The following MUSK variants were observed in gnomAD, a reference collection of about 807,000 sequenced individuals.
MUSK encodes muscle, skeletal receptor tyrosine-protein kinase.
A neutral mutation model predicts 88.7 loss-of-function variants in MUSK; 55 were observed. The ratio of observed to expected loss-of-function variants is 0.62; its 90% CI spans 0.50 to 0.78. The LOEUF (loss-of-function observed/expected upper bound fraction) is 0.78. MUSK is among the 30% of genes least tolerant of loss of function. The pLI is 0.00. For missense variants in MUSK, 1,015 were observed against 1,074.3 expected (o/e 0.94, Z 0.77); for synonymous variants, 387 against 391.9 (o/e 0.99, Z 0.15).
intron 7 of MUSK, among the ~76,000 whole-genome samples, chr9:110,758,973 C>A (rs2077362865): frequency 6.6e-6 from 1 of 152,068 alleles, no homozygotes; most frequent in Non-Finnish European, 1.5e-5. Context: ...GAACTAGAAA[C>A]AAAACTATTC....
chr9:110,711,341 G>T (rs2076668779), intron 5 of MUSK, among the ~76,000 whole-genome samples: 1 of 152,170 alleles, frequency 6.6e-6, no homozygotes, highest in South Asian at 2.1e-4. Flanking sequence ...GCCATAGCCT[G>T]CACATGATCT....
At chr9:110,766,204 G>A (rs2077482704) in intron 8 of MUSK, among the ~76,000 whole-genome samples, 2 of 152,160 alleles carry the variant, frequency 1.3e-5, no homozygotes, top group Non-Finnish European at 2.9e-5. Flanking sequence ...AGGGATTCTA[G>A]TGTCTAAGGT....
At chr9:110,704,329 T>A (rs2076568927) in intron 5 of MUSK, among the ~76,000 whole-genome samples, 1 of 152,182 alleles carries the variant, frequency 6.6e-6, no homozygotes, top group Admixed American at 6.6e-5. Context: ...CATTAACTTC[T>A]AAAATTATCT....
At chr9:110,705,500 A>G (rs1213827954) in intron 5 of MUSK, among the ~76,000 whole-genome samples, 1 of 151,994 alleles carries the variant, frequency 6.6e-6, no homozygotes, top group Non-Finnish European at 1.5e-5. Context: ...CACTCATCTG[A>G]CTCTTCTTTT....
chr9:110,675,215 CT>C lies in MUSK; in HGVS notation c.79+6256del, dbSNP rs386415865. On this transcript the variant is annotated intron_variant, in intron 1 of 14. Transcript: ENST00000374448. ...ATTCAAGTCCTGTGCCACATTGCCT[CT>C]TTTTTTTTTTTTTTTTTTTTTTTGA... Among the ~76,000 whole-genome samples the C allele has an allele frequency of 9.1e-3, 808 of 88,338 alleles. 1 individual carries two copies. Among genetic ancestry groups the C allele is most frequent in the East Asian group, 0.042 (109 of 2,622 alleles). The allele number at this position is 88,338 out of a possible 152,430, so 58.0% of individuals were successfully genotyped here.
At chr9:110,690,355 T>A (rs1446021964) in intron 3 of MUSK, among the ~76,000 whole-genome samples, 2 of 110,672 alleles carry the variant, frequency 1.8e-5, no homozygotes, top group African/African-American at 7.3e-5. Flanking sequence ...TATATTTAAA[T>A]ATAAGTATAT....
intron 11 of MUSK, 80 bp downstream of exon 11, chr9:110,776,735 C>A: frequency 1.6e-6 from 2 of 1,241,464 alleles, no homozygotes; most frequent in Non-Finnish European, 2.3e-6. Context: ...CTTATATTTC[C>A]TGATGCCCAG....
In MUSK at chr9:110,802,541, A is replaced by G. The variant is rs550954104; in HGVS notation, c.*1553A>G. ...AATCTGCCTCATGTAACAGCTTGAC[A>G]TCTTTGGTGGGAAACCTGCCATTTC... is the stretch of plus-strand genomic sequence containing the variant. On this transcript the variant is annotated 3_prime_UTR_variant, in exon 15 of 15. Transcript: ENST00000374448. Among the ~76,000 whole-genome samples, 15 of 152,336 alleles carry G rather than the reference A, an allele frequency of 9.8e-5. No individual in the cohort carries two copies. Among genetic ancestry groups the G allele is most frequent in the African/African-American group, 3.6e-4 (15 of 41,584 alleles).
chr9:110,730,602 G>A (rs1254776974), intron 5 of MUSK, among the ~76,000 whole-genome samples: 1 of 151,986 alleles, frequency 6.6e-6, no homozygotes, highest in African/African-American at 2.4e-5. Flanking sequence ...TTGTGTCCAA[G>A]TTTGTTATTG....
rs752450976 is a variant in MUSK, at chr9:110,775,843, G to A, written c.1240G>A (p.Glu414Lys). The change falls in exon 10 of 15, where the codon GAA (glutamate) becomes AAA (lysine). Residue 414 changes from glutamate (E) to lysine (K), a missense_variant. Glu to Lys is a moderately conservative substitution (Grantham distance 56). Coordinates refer to ENST00000374448, the MANE Select transcript of MUSK (RefSeq NM_005592.4). Reference protein sequence around the residue: ...LFCAKEWLVMEEKTHRGLYRS... With the variant: ...LFCAKEWLVMKEKTHRGLYRS... ...CTGCGCAAAAGAATGGCTGGTAATG[G>A]AAGAGAAGACCCACAGAGGACTCTA... is the stretch of plus-strand genomic sequence containing the variant. 1.9e-6 allele frequency: 3 copies of A among 1,613,884 alleles called. No individual in the cohort carries two copies. Among genetic ancestry groups the A allele is most frequent in the East Asian group, 2.2e-5 (1 of 44,876 alleles).
intron 1 of MUSK, among the ~76,000 whole-genome samples, chr9:110,681,469 C>G (rs1003416697): frequency 6.6e-6 from 1 of 151,484 alleles, no homozygotes; most frequent in Non-Finnish European, 1.5e-5. Flanking sequence ...GAGTGTGGGT[C>G]AAAGACGTAA....
chr9:110,764,784 G>A (rs1440206141), intron 8 of MUSK, among the ~76,000 whole-genome samples: 1 of 152,144 alleles, frequency 6.6e-6, no homozygotes, highest in African/African-American at 2.4e-5. Context: ...TACTTTGTAT[G>A]TGTATGTTTT....
At chr9:110,761,644 G>T (rs1446317117) in intron 7 of MUSK, among the ~76,000 whole-genome samples, 2 of 134,364 alleles carry the variant, frequency 1.5e-5, no homozygotes, top group Non-Finnish European at 3.1e-5. Flanking sequence ...CGCGATCTTG[G>T]TTCACTGCAG....
chr9:110,748,301 T>C (rs1484596802), intron 7 of MUSK, among the ~76,000 whole-genome samples: 1 of 150,430 alleles, frequency 6.6e-6, no homozygotes, highest in African/African-American at 2.4e-5. Context: ...AAGTCTCTCA[T>C]GGAGAAAGTT....
chr9:110,732,574 G>A (rs2076979543), intron 5 of MUSK, among the ~76,000 whole-genome samples: 1 of 151,878 alleles, frequency 6.6e-6, no homozygotes, highest in African/African-American at 2.4e-5. Context: ...TTAAATATCT[G>A]GGTTTGATTG....
chr9:110,706,804 G>A (rs559986061), intron 5 of MUSK, among the ~76,000 whole-genome samples: 3 of 152,252 alleles, frequency 2.0e-5, no homozygotes, highest in African/African-American at 7.2e-5. Context: ...AGGAGTTAGA[G>A]ACCAGCCTGG....
At chr9:110,776,490 A>C in intron 10 of MUSK, 142 bp from the exon 11 acceptor site, 2 of 681,428 alleles carry the variant, frequency 2.9e-6, no homozygotes, top group Non-Finnish European at 5.1e-6. Flanking sequence ...CAATTCTTTC[A>C]CATTCGAATG....
intron 5 of MUSK, among the ~76,000 whole-genome samples, chr9:110,710,237 T>A (rs2076650887): frequency 6.6e-6 from 1 of 152,178 alleles, no homozygotes; most frequent in Non-Finnish European, 1.5e-5. Context: ...ACCTGGGTGT[T>A]AATCCTGACT....
intron 11 of MUSK, among the ~76,000 whole-genome samples, chr9:110,783,952 T>C (rs564911232): frequency 2.6e-5 from 4 of 152,070 alleles, no homozygotes; most frequent in African/African-American, 7.2e-5. Flanking sequence ...TTTAAAAATG[T>C]CCCATTGGAT....
Sources: allele counts gnomAD v4.1 joint callset (sites outside exome capture counted in the v4.1 genomes callset), GRCh38; gene constraint gnomAD v4.1.1; transcripts MANE v1.5; gene names NCBI Gene and HGNC (gene_info 2026-07-23, HGNC 2026-07-21).